NBEA: variants seen among roughly 807,000 people sequenced by gnomAD.
The protein encoded by NBEA is neurobeachin.
Under a neutral mutation model 343.4 loss-of-function variants are expected in NBEA, and 44 were observed. The observed-to-expected ratio is 0.13, with a 90% CI of 0.10 to 0.16. NBEA has a LOEUF of 0.16. Ranked by LOEUF, NBEA falls within the 10% of genes least tolerant of loss-of-function variation. The pLI, the probability that NBEA is intolerant of heterozygous loss-of-function variation, is 1.00. For missense variants in NBEA, 2,555 were observed against 3,631.3 expected (o/e 0.70, Z 7.62); for synonymous variants, 1,175 against 1,238.7 (o/e 0.95, Z 1.08).
At chr13:35,516,189 A>G (rs1449230424) in intron 41 of NBEA, among the ~76,000 whole-genome samples, 3 of 152,234 alleles carry the variant, frequency 2.0e-5, no homozygotes, top group Non-Finnish European at 4.4e-5. Context: ...TTTGGGAACA[A>G]GAAGCCTACA....
In NBEA at chr13:35,656,205, G is replaced by A. The variant is rs185563559; in HGVS notation, c.8362+456G>A. Among the ~76,000 whole-genome samples, 321 of 152,278 alleles carry A rather than the reference G, an allele frequency of 2.1e-3. 1 individual carries two copies. Among genetic ancestry groups the A allele is most frequent in the Non-Finnish European group, 2.0e-3 (137 of 68,028 alleles). Reference sequence around the variant, plus strand: ...CATTTATTCGTTTAGCAAACAGTGAGTGAGTACCCCCTTCACATGAGGCAT... The same window carrying A: ...CATTTATTCGTTTAGCAAACAGTGAATGAGTACCCCCTTCACATGAGGCAT... On this transcript the variant is annotated intron_variant, in intron 55 of 58. Coordinates refer to ENST00000379939, the MANE Select transcript of NBEA (RefSeq NM_001385012.1).
rs1300434101 is a variant in NBEA, at chr13:35,453,111, T to C, written c.6448+876T>C. ...AATTCTTGATACAACATAACACTTGTTGCAAGGAACATACTGAAAATTATC... is the reference window on the plus strand; with the variant it reads ...AATTCTTGATACAACATAACACTTGCTGCAAGGAACATACTGAAAATTATC... On this transcript the variant is annotated intron_variant, in intron 40 of 58. Transcript: ENST00000379939. Among the ~76,000 whole-genome samples the C allele has an allele frequency of 1.3e-5, 2 of 152,206 alleles. 1 individual carries two copies. Among genetic ancestry groups the C allele is most frequent in the East Asian group, 3.9e-4 (2 of 5,190 alleles).
chr13:35,112,492 G>A (rs554681865), intron 13 of NBEA, among the ~76,000 whole-genome samples: 5 of 152,118 alleles, frequency 3.3e-5, no homozygotes, highest in East Asian at 1.9e-4. Flanking sequence ...GGTACAAACC[G>A]AACAGCACCA....
At chr13:35,445,716 A>C (rs1261890584) in intron 39 of NBEA, among the ~76,000 whole-genome samples, 1 of 149,406 alleles carries the variant, frequency 6.7e-6, no homozygotes, top group Non-Finnish European at 1.5e-5. Context: ...GAGAATCCCT[A>C]AAATAAAAAC....
At chr13:35,457,203 A>G (rs759139475) in intron 40 of NBEA, among the ~76,000 whole-genome samples, 13 of 152,092 alleles carry the variant, frequency 8.5e-5, no homozygotes, top group Middle Eastern at 3.4e-3. Flanking sequence ...CACTTATGAA[A>G]TATTCACTGG....
chr13:35,081,144 C>T (rs1428792051), intron 10 of NBEA, among the ~76,000 whole-genome samples: 1 of 152,180 alleles, frequency 6.6e-6, no homozygotes, highest in Non-Finnish European at 1.5e-5. Flanking sequence ...ATGTGCCTCA[C>T]ACTCAGCAAT....
intron 27 of NBEA, among the ~76,000 whole-genome samples, chr13:35,174,456 C>T (rs187646047): frequency 6.6e-6 from 1 of 152,132 alleles, no homozygotes; most frequent in East Asian, 1.9e-4. Context: ...TAACTTTTTG[C>T]TCAATAAGTG....
rs113931430 is a variant in NBEA at position 35,668,337 on chromosome 13, T to G, written c.8662-31T>G. On this transcript the variant is annotated intron_variant, in intron 57 of 58. Transcript: ENST00000379939. ...TGTGTATTTTATTTTATTTTGTTTT[T>G]TTTTGTTTGTTTGTTTTACCTTTTC... The G allele has an allele frequency of 2.7e-3, 4,140 of 1,541,438 alleles. 77 individuals carry two copies. The African/African-American group carries it at 0.046, about 17-fold the overall frequency.
intron 26 of NBEA, among the ~76,000 whole-genome samples, chr13:35,172,965 T>C (rs2070586407): frequency 6.6e-6 from 1 of 152,056 alleles, no homozygotes; most frequent in South Asian, 2.1e-4. Context: ...TTTCCCACCA[T>C]GAAGGAAGGT....
At chr13:35,514,584 G>GA (rs1432912709) in intron 41 of NBEA, among the ~76,000 whole-genome samples, 1 of 151,740 alleles carries the variant, frequency 6.6e-6, no homozygotes, top group African/African-American at 2.4e-5. Flanking sequence ...TAATTTTTGA[G>GA]AAAAAAATAT....
intron 44 of NBEA, among the ~76,000 whole-genome samples, chr13:35,560,420 A>G (rs936894330): frequency 6.6e-6 from 1 of 152,198 alleles, no homozygotes; most frequent in Admixed American, 6.5e-5. Context: ...GTAGATACTG[A>G]TATTCTAGTA....
intron 41 of NBEA, among the ~76,000 whole-genome samples, chr13:35,536,523 GT>G (rs1193610742): frequency 6.6e-6 from 1 of 151,972 alleles, no homozygotes; most frequent in African/African-American, 2.4e-5. Context: ...TATTGGTCCT[GT>G]TTTTTTCCTT....
In NBEA at chr13:35,188,690, T is replaced by C. The variant is rs181336331; in HGVS notation, c.4927+4619T>C. On this transcript the variant is annotated intron_variant, in intron 30 of 58. Transcript: ENST00000379939. The stretch of plus-strand genomic sequence containing the variant: ...ATTGTGAATAATGCTGCAATGAACA[T>C]TGGGGTGCACATACCTCTTTCAAAT... Among the ~76,000 whole-genome samples, 322 of 152,164 alleles carry C rather than the reference T, an allele frequency of 2.1e-3. 1 individual carries two copies. Among genetic ancestry groups the C allele is most frequent in the African/African-American group, 7.5e-3 (311 of 41,530 alleles).
chr13:35,556,560 C>T (rs912582211), intron 44 of NBEA, among the ~76,000 whole-genome samples: 13 of 151,638 alleles, frequency 8.6e-5, no homozygotes, highest in Admixed American at 4.6e-4. Context: ...TCTGGCTTTA[C>T]GAATGCTTTT....
chr13:35,056,740 G>A (rs1287796704), intron 7 of NBEA, among the ~76,000 whole-genome samples: 1 of 151,968 alleles, frequency 6.6e-6, no homozygotes, highest in Non-Finnish European at 1.5e-5. Context: ...GATGAGGTTA[G>A]GCAGAAATCA....
At chr13:35,525,379 C>T (rs1302213989) in intron 41 of NBEA, among the ~76,000 whole-genome samples, 1 of 152,076 alleles carries the variant, frequency 6.6e-6, no homozygotes, top group African/African-American at 2.4e-5. Flanking sequence ...TGGCAAAACC[C>T]CATCTCCACT....
intron 16 of NBEA, among the ~76,000 whole-genome samples, chr13:35,122,458 A>G (rs2152675479): frequency 6.6e-6 from 1 of 151,854 alleles, no homozygotes; most frequent in African/African-American, 2.4e-5. Context: ...TTCTCAGCAA[A>G]CTACCGCTAG....
intron 40 of NBEA, among the ~76,000 whole-genome samples, chr13:35,460,197 G>C (rs1247623712): frequency 1.3e-5 from 2 of 152,136 alleles, no homozygotes; most frequent in Non-Finnish European, 2.9e-5. Context: ...TTAAACCCAT[G>C]TGTATTTTAA....
intron 50 of NBEA, 36 bp downstream of exon 50, chr13:35,645,967 T>G: frequency 1.5e-6 from 2 of 1,373,418 alleles, no homozygotes; most frequent in Non-Finnish European, 2.0e-6. Context: ...AAGTGTTCTT[T>G]GGTCTTTAGC....
Sources: gnomAD v4.1 joint callset for allele counts (sites outside exome capture counted in the v4.1 genomes callset) on GRCh38, gnomAD v4.1.1 for gene constraint, MANE v1.5 for transcripts, NCBI Gene and HGNC (gene_info 2026-07-23, HGNC 2026-07-21) for gene names.